GAREM1: variants seen among roughly 807,000 people sequenced by gnomAD.
GAREM1 encodes the protein GRB2 associated regulator of MAPK1 subtype 1.
In GAREM1, 26 loss-of-function variants were observed where a neutral mutation model predicts 71.3. The ratio of observed to expected loss-of-function variants is 0.36; its 90% confidence interval spans 0.27 to 0.51. The LOEUF is 0.51. Among genes scored for constraint, GAREM1 ranks in the 20% least tolerant of loss-of-function variants. GAREM1 has a pLI of 0.95. For synonymous variants in GAREM1, 440 were observed against 433.2 expected (o/e 1.02, Z -0.20); for missense variants, 1,026 against 1,103.1 (o/e 0.93, Z 0.99).
At chr18:32,279,050 T>A (rs1567945735) in intron 4 of GAREM1, among the ~76,000 whole-genome samples, 1 of 152,134 alleles carries the variant, frequency 6.6e-6, no homozygotes, top group Non-Finnish European at 1.5e-5. Context: ...ACATTTAGGG[T>A]GCTTTCATGG....
At chr18:32,293,941 A>ATTATG (rs2047113668) in intron 3 of GAREM1, among the ~76,000 whole-genome samples, 1 of 152,210 alleles carries the variant, frequency 6.6e-6, no homozygotes, top group African/African-American at 2.4e-5. Context: ...ATTCTATAAA[A>ATTATG]TACCTGGTGT....
chr18:32,417,702 A>G (rs1254439826), intron 1 of GAREM1, among the ~76,000 whole-genome samples: 9 of 152,076 alleles, frequency 5.9e-5, no homozygotes, highest in Admixed American at 1.3e-4. Context: ...AGCACATAGA[A>G]GCATGGTTAC....
intron 1 of GAREM1, among the ~76,000 whole-genome samples, chr18:32,461,434 A>G (rs1455345846): frequency 6.6e-6 from 1 of 152,092 alleles, no homozygotes; most frequent in Non-Finnish European, 1.5e-5. Flanking sequence ...GGTGGCTCAT[A>G]CCTGTAATTC....
At chr18:32,462,131 C>A (rs1309564535) in intron 1 of GAREM1, among the ~76,000 whole-genome samples, 1 of 152,236 alleles carries the variant, frequency 6.6e-6, no homozygotes, top group Non-Finnish European at 1.5e-5. Context: ...GGATATACAC[C>A]TAGTAGTGGG....
At chr18:32,365,265 C>T (rs561435316) in intron 2 of GAREM1, among the ~76,000 whole-genome samples, 3 of 152,068 alleles carry the variant, frequency 2.0e-5, no homozygotes, top group Non-Finnish European at 4.4e-5. Context: ...AATATCATTC[C>T]AATATTCCAC....
At chr18:32,294,908 T>C (rs2047125499) in intron 3 of GAREM1, among the ~76,000 whole-genome samples, 1 of 152,190 alleles carries the variant, frequency 6.6e-6, no homozygotes, top group Non-Finnish European at 1.5e-5. Context: ...AATATAAAAA[T>C]ACGATAAATT....
At chr18:32,372,778 G>C (rs893494825) in intron 2 of GAREM1, among the ~76,000 whole-genome samples, 1 of 152,212 alleles carries the variant, frequency 6.6e-6, no homozygotes, top group African/African-American at 2.4e-5. Flanking sequence ...GCCCTACCAG[G>C]AAATGGGGCA....
Position 32,308,199 on chromosome 18 carries a change from AACTCTTAAATGATATTCTC to A in GAREM1, c.393+1975_393+1993del, listed in dbSNP as rs2047275877. Among the ~76,000 whole-genome samples the A allele has an allele frequency of 5.6e-4, 84 of 151,232 alleles. 4 individuals are homozygous for A. Among genetic ancestry groups the A allele is most frequent in the African/African-American group, 1.8e-3 (75 of 41,096 alleles). ...CTTCACACACTTAACTGAGCCTTTG[AACTCTTAAATGATATTCTC>A]TATTAAACACATTTTAATGAATACA... On this transcript the variant is annotated intron_variant, in intron 3 of 5. Transcript: ENST00000269209.
At chr18:32,434,531 T>C (rs538075442) in intron 1 of GAREM1, among the ~76,000 whole-genome samples, 7 of 152,096 alleles carry the variant, frequency 4.6e-5, no homozygotes, top group Admixed American at 2.0e-4. Context: ...AAGCCAAAAT[T>C]AGAGTTCCCT....
Position 32,270,285 on chromosome 18 carries a change from C to G in GAREM1, c.1665G>C (p.Lys555Asn). The G allele has an allele frequency of 6.2e-7, 1 of 1,613,920 alleles. No individual in the cohort carries two copies. Among genetic ancestry groups the G allele is most frequent in the Non-Finnish European group, 8.5e-7 (1 of 1,179,964 alleles). ...TSPSIPPRTV[K>N]PARQQTRSPS... is the part of the protein sequence containing the mutation. ...GAGAGCGAGTCTGTTGCCGCGCTGG[C>G]TTGACTGTGCGAGGAGGGATGGAGG... is the stretch of plus-strand genomic sequence containing the variant. Residue 555 changes from lysine (K) to asparagine (N), a missense_variant, in exon 5 of 6, where the codon AAG becomes AAC. Coordinates refer to ENST00000269209, the MANE Select transcript of GAREM1 (RefSeq NM_001242409.2).
intron 1 of GAREM1, among the ~76,000 whole-genome samples, chr18:32,421,952 A>G (rs1178310285): frequency 6.6e-6 from 1 of 151,778 alleles, no homozygotes; most frequent in African/African-American, 2.4e-5. Flanking sequence ...CCCTCTGTAC[A>G]CACTTCCCTC....
intron 2 of GAREM1, among the ~76,000 whole-genome samples, chr18:32,326,032 C>T (rs971050078): frequency 3.9e-5 from 6 of 152,134 alleles, no homozygotes; most frequent in African/African-American, 1.2e-4. Context: ...ATAGGAGAAA[C>T]GTATTAGCTC....
intron 2 of GAREM1, among the ~76,000 whole-genome samples, chr18:32,323,694 G>GT (rs1264274860): frequency 6.6e-6 from 1 of 152,180 alleles, no homozygotes; most frequent in African/African-American, 2.4e-5. Flanking sequence ...GGGCGACAGA[G>GT]TAAGACCCTA....
chr18:32,402,943 A>G (rs2048329980), intron 1 of GAREM1, among the ~76,000 whole-genome samples: 2 of 152,086 alleles, frequency 1.3e-5, no homozygotes, highest in South Asian at 4.2e-4. Context: ...ATTGAGACAG[A>G]GTCTTGCTCT....
At chr18:32,275,095 A>T (rs146608218) in intron 4 of GAREM1, among the ~76,000 whole-genome samples, 1 of 152,174 alleles carries the variant, frequency 6.6e-6, no homozygotes, top group Non-Finnish European at 1.5e-5. Flanking sequence ...TCTAGGGGAA[A>T]AAAAGGCACC....
chr18:32,392,186 A>C (rs2048207774), intron 2 of GAREM1, among the ~76,000 whole-genome samples: 1 of 151,244 alleles, frequency 6.6e-6, no homozygotes, highest in Admixed American at 6.6e-5. Context: ...TGCCGGAAAA[A>C]GCATATGGTA....
In GAREM1 at chr18:32,350,708, T is replaced by C. The variant is rs2047740889; in HGVS notation, c.263-40385A>G. ...ATCACTTTAAAATTCTTAAAGTGTG[T>C]CCATTATTTAGCAAACAATAAATTG... On this transcript the variant is annotated intron_variant, in intron 2 of 5. Transcript: ENST00000269209. Among the ~76,000 whole-genome samples, 2 of 152,180 alleles carry C rather than the reference T, an allele frequency of 1.3e-5. 1 individual carries two copies. Among genetic ancestry groups the C allele is most frequent in the South Asian group, 4.1e-4 (2 of 4,830 alleles).
intron 2 of GAREM1, among the ~76,000 whole-genome samples, chr18:32,313,660 TAC>T (rs1207869875): frequency 2.0e-5 from 3 of 152,098 alleles, no homozygotes; most frequent in Non-Finnish European, 2.9e-5. Flanking sequence ...TAGTGGGTGA[TAC>T]AGTCTGATGA....
intron 3 of GAREM1, among the ~76,000 whole-genome samples, chr18:32,297,116 T>G (rs73956866): frequency 2.4e-3 from 370 of 152,330 alleles, no homozygotes; most frequent in African/African-American, 7.9e-3. Context: ...GCTGAGTAGC[T>G]GCAACAGTGA....
Sources: gnomAD v4.1 joint callset for allele counts (sites outside exome capture counted in the v4.1 genomes callset) on GRCh38, gnomAD v4.1.1 for gene constraint, MANE v1.5 for transcripts, NCBI Gene and HGNC (gene_info 2026-07-23, HGNC 2026-07-21) for gene names.